The following MAP3K6 variants were observed in gnomAD, a reference collection of about 807,000 sequenced individuals.
MAP3K6 encodes the protein apoptosis signal-regulating kinase 2.
A neutral mutation model predicts 147.1 loss-of-function variants in MAP3K6; 105 were observed. The ratio of observed to expected loss-of-function variants is 0.71; its 90% confidence interval spans 0.61 to 0.84. The LOEUF (loss-of-function observed/expected upper bound fraction) is 0.84. Among genes scored for constraint, MAP3K6 ranks in the 40% least tolerant of loss-of-function variants. The pLI, the probability that MAP3K6 is intolerant of heterozygous loss-of-function variation, is 0.00. For missense variants in MAP3K6, 1,569 were observed against 1,715.0 expected (o/e 0.91, Z 1.50); for synonymous variants, 695 against 732.4 (o/e 0.95, Z 0.82).
In MAP3K6 at chr1:27,356,567, T is replaced by G. The variant is rs750371306; in HGVS notation, c.3524+23A>C. The G allele has an allele frequency of 1.8e-5, 29 of 1,611,904 alleles. No individual in the cohort carries two copies. The Admixed American group carries it at 4.7e-4, about 26-fold the overall frequency. On this transcript the variant is annotated intron_variant, in intron 25 of 28. Coordinates refer to ENST00000357582, the MANE Select transcript of MAP3K6 (RefSeq NM_004672.5). Reference sequence around the variant, plus strand: ...GTGGGTTGAAGCCCGGCAGAGGCTATGAGCGATTCCAAGGGGCTTTACCGA... The same window carrying G: ...GTGGGTTGAAGCCCGGCAGAGGCTAGGAGCGATTCCAAGGGGCTTTACCGA...
Position 27,356,435 on chromosome 1 carries a change from C to G in MAP3K6, c.3590G>C (p.Arg1197Pro). 3 of 1,613,708 alleles carry G rather than the reference C, an allele frequency of 1.9e-6. No individual in the cohort carries two copies. The highest frequency in any genetic ancestry group is 2.5e-6 in the Non-Finnish European group (3 of 1,179,940). ...YQALVQRALQ[R>P]LNEEARTYVL... is the part of the protein sequence containing the mutation. ...ATAGGTCCGGGCTTCCTCATTCAGC[C>G]GCTGTAGAGCCCGCTGCACCAGGGC... Residue 1197 changes from arginine (R) to proline (P), a missense_variant, in exon 26 of 29, where the codon CGG (arginine) becomes CCG (proline). Transcript: ENST00000357582.
rs138197184 is a variant in MAP3K6, at chr1:27,359,959, G to C, written c.2218C>G (p.Pro740Ala). 98 of 1,613,966 alleles carry C rather than the reference G, an allele frequency of 6.1e-5. No individual in the cohort carries two copies. The highest frequency in any genetic ancestry group is 1.6e-4 in the Middle Eastern group (1 of 6,084). ...LSSLLRSVWG[P>A]LKDNESTISF... is the part of the protein sequence containing the mutation. The stretch of plus-strand genomic sequence containing the variant: ...ATGGTGCTCTCGTTGTCCTTCAGGG[G>C]TCCCCACACCGACCGCAGCAAGGAG... Residue 740 changes from proline (P) to alanine (A), a missense_variant, in exon 17 of 29, where the codon CCC (proline) becomes GCC (alanine). Physicochemically the swap from Pro to Ala is conservative, Grantham distance 27. Transcript: ENST00000357582. This position sits in a 1 kb window ranked among gnomAD's most constrained non-coding sequence, Gnocchi z 4.4.
At chr1:27,362,303 G>T in intron 8 of MAP3K6, 53 bp from the exon 9 acceptor site, 1 of 1,540,114 alleles carries the variant, frequency 6.5e-7, no homozygotes, top group Non-Finnish European at 8.8e-7. Context: ...GGTGAGTGAG[G>T]CCCACCATTT....
rs762750659 is a variant in MAP3K6, at chr1:27,366,241, G to T, written c.340+17C>A. ...CTGAGTCCCGCCCGGATCCGGCCCCGCCCCCAGCGCTCTCACCCGCGTTGT... is the reference window on the plus strand; with the variant it reads ...CTGAGTCCCGCCCGGATCCGGCCCCTCCCCCAGCGCTCTCACCCGCGTTGT... On this transcript the variant is annotated intron_variant, in intron 1 of 28. Transcript: ENST00000357582. The surrounding 1 kb of genome is among the most constrained non-coding windows in gnomAD (Gnocchi z 5.5). 1 of 1,303,430 alleles carries T rather than the reference G, an allele frequency of 7.7e-7. No individual in the cohort carries two copies. The highest frequency in any genetic ancestry group is 2.2e-5 in the South Asian group (1 of 46,160). 80.7% of individuals were successfully genotyped at this position (1,303,430 alleles called of 1,614,324 possible). A position where few individuals can be genotyped will look rare whatever the true frequency, so the allele number is the denominator to read the frequency against.
At position 27,361,538 on chromosome 1, in the gene MAP3K6, C is replaced by T. The variant is rs766578632; in HGVS notation, c.1668G>A (p.Leu556=). 2 of 1,614,204 alleles carry T rather than the reference C, an allele frequency of 1.2e-6. No individual in the cohort carries two copies. Among genetic ancestry groups the T allele is most frequent in the South Asian group, 2.2e-5 (2 of 91,092 alleles). Residue 556 remains leucine (L), a synonymous_variant, in exon 11 of 29, where the codon CTG becomes CTA. Transcript: ENST00000357582. ...TDPVSTVTLS[L]LEPETQDIPS... ...ACTTCACCTGGGTCTCAGGCTCCAG[C>T]AGGCTCAGGGTCACTGTGCTTACTG... is the stretch of plus-strand genomic sequence containing the variant.
At position 27,356,681 on chromosome 1, in the gene MAP3K6, G is replaced by A; in HGVS notation, c.3433C>T (p.Pro1145Ser). ...LSNEGDSQQS[P>S]GQQSPLPVEP... ...ACCGGAAGCGGGCTCTGCTGGCCTG[G>A]GCTCTGCTGGGAGTCCCCTTCATTA... Residue 1145 changes from proline to serine, a missense_variant, in exon 25 of 29, where the codon CCA (proline) becomes TCA (serine). By Grantham distance (74) the Pro-to-Ser change is moderately conservative. Transcript: ENST00000357582. 2 of 1,609,692 alleles carry A rather than the reference G, an allele frequency of 1.2e-6. No homozygotes were observed. Among genetic ancestry groups the A allele is most frequent in the East Asian group, 4.5e-5 (2 of 44,830 alleles).
rs759869355 is a variant in MAP3K6 at position 27,362,870 on chromosome 1, G to A, written c.1123C>T (p.Arg375Trp). The A allele has an allele frequency of 8.7e-6, 14 of 1,613,892 alleles. No homozygotes were observed. The highest frequency in any genetic ancestry group is 1.6e-4 in the Middle Eastern group (1 of 6,084). The change falls in exon 7 of 29, where the codon CGG (arginine) becomes TGG (tryptophan). Residue 375 changes from arginine (R) to tryptophan (W), a missense_variant. Arg to Trp is a moderately radical substitution (Grantham distance 101). Coordinates refer to ENST00000357582, the MANE Select transcript of MAP3K6 (RefSeq NM_004672.5). ...FSSGFQDAGHREQAYHWYRKA... is the reference protein window; with the variant it reads ...FSSGFQDAGHWEQAYHWYRKA... ...CTTTACCAGTGATAGGCCTGCTCCC[G>A]GTGCCCAGCATCCTGGAAACCCGAG... is the stretch of plus-strand genomic sequence containing the variant.
In MAP3K6 at chr1:27,359,748, C is replaced by T. The variant is rs1450679026; in HGVS notation, c.2319+110G>A. Reference sequence around the variant, plus strand: ...GGAGCCTCCCTGATGAATTCCCTACCCTTTGCAACAGGTCTGCTCACTTAA... The same window carrying T: ...GGAGCCTCCCTGATGAATTCCCTACTCTTTGCAACAGGTCTGCTCACTTAA... On this transcript the variant is annotated intron_variant, in intron 17 of 28. Transcript: ENST00000357582. The surrounding 1 kb of genome is among the most constrained non-coding windows in gnomAD (Gnocchi z 4.4). 7.9e-6 allele frequency: 12 copies of T among 1,514,226 alleles called. No homozygotes were observed. The highest frequency in any genetic ancestry group is 2.8e-5 in the African/African-American group (2 of 72,606). 93.8% of individuals were successfully genotyped at this position (1,514,226 alleles called of 1,614,324 possible).
chr1:27,361,347 T>G lies in MAP3K6; in HGVS notation c.1735A>C (p.Ser579Arg). 1 of 1,613,930 alleles carries G rather than the reference T, an allele frequency of 6.2e-7. No homozygotes were observed. Among genetic ancestry groups the G allele is most frequent in the Non-Finnish European group, 8.5e-7 (1 of 1,179,964 alleles). ...TFPVASICGV[S>R]ASKRDERCCF... ...GTCACCCCAGGTCCCGCCTATCACCTGACTCCGCATATGGAGGCGACTGGG... is the reference window on the plus strand; with the variant it reads ...GTCACCCCAGGTCCCGCCTATCACCGGACTCCGCATATGGAGGCGACTGGG... Residue 579 changes from serine to arginine, a missense_variant and splice_region_variant, in exon 12 of 29, where the codon AGC (serine) becomes CGC (arginine). Transcript: ENST00000357582.
At position 27,360,205 on chromosome 1, in the gene MAP3K6, C is replaced by T. The variant is rs968098854; in HGVS notation, c.2182+36G>A. 6.2e-7 allele frequency: 1 copy of T among 1,611,098 alleles called. No homozygotes were observed. The highest frequency in any genetic ancestry group is 8.5e-7 in the Non-Finnish European group (1 of 1,178,024). ...GCCTGCCTCGGTCCCATGCTTCACA[C>T]CTCGGTTTCATTCCCATCCCACACA... is the stretch of plus-strand genomic sequence containing the variant. On this transcript the variant is annotated intron_variant, in intron 16 of 28. Transcript: ENST00000357582. The surrounding 1 kb of genome is among the most constrained non-coding windows in gnomAD (Gnocchi z 4.5).
intron 1 of MAP3K6, among the ~76,000 whole-genome samples, chr1:27,365,296 G>T (rs1382049474): frequency 1.3e-5 from 2 of 152,182 alleles, no homozygotes; most frequent in Non-Finnish European, 2.9e-5. Context: ...CCATCAGTGT[G>T]CATAGACAAC....
intron 25 of MAP3K6, 33 bp from the exon 26 acceptor site, chr1:27,356,533 G>A (rs906438485): frequency 1.2e-6 from 2 of 1,611,574 alleles, no homozygotes; most frequent in South Asian, 1.1e-5. Context: ...ATGGAGCGGT[G>A]AGTGGTGAGT....
At chr1:27,362,609 G>T (rs2015819189) in intron 8 of MAP3K6, 32 bp downstream of exon 8, 1 of 1,501,784 alleles carries the variant, frequency 6.7e-7, no homozygotes, top group African/African-American at 1.4e-5. Context: ...ACCCCTGTGG[G>T]TGACGAGACA....
rs1248597413 is a variant in MAP3K6 at position 27,366,266 on chromosome 1, T to G, written c.332A>C (p.Tyr111Ser). ...GCCCCCAGCGCTCTCACCCGCGTTG[T>G]AGAAGGCATCCAGAGCCGCGGTGTC... ...LGDTAALDAFYNADVVVLEVS... is the reference protein window; with the variant it reads ...LGDTAALDAFSNADVVVLEVS... Residue 111 changes from tyrosine (Y) to serine (S), a missense_variant, in exon 1 of 29, where the codon TAC becomes TCC. Transcript: ENST00000357582. This position sits in a 1 kb window ranked among gnomAD's most constrained non-coding sequence, Gnocchi z 5.5. 4 of 1,334,146 alleles carry G rather than the reference T, an allele frequency of 3.0e-6. No individual in the cohort carries two copies. The highest frequency in any genetic ancestry group is 3.8e-6 in the Non-Finnish European group (4 of 1,043,494). The allele number at this position is 1,334,146 out of a possible 1,614,324, so 82.6% of individuals were successfully genotyped here.
intron 26 of MAP3K6, 33 bp downstream of exon 26, chr1:27,356,352 CCCA>C (rs765178260): frequency 1.3e-5 from 20 of 1,552,978 alleles, no homozygotes; most frequent in Non-Finnish European, 1.7e-5. Flanking sequence ...CTGCCTTGAA[CCCA>C]CCAATAATGT....
At chr1:27,355,535 G>C in intron 28 of MAP3K6, 66 bp from the exon 29 acceptor site, 1 of 1,577,958 alleles carries the variant, frequency 6.3e-7, no homozygotes, top group Non-Finnish European at 8.7e-7. Context: ...TGCACACACT[G>C]TCTGCCCAGT....
intron 27 of MAP3K6, 80 bp from the exon 28 acceptor site, chr1:27,355,825 G>C: frequency 2.9e-6 from 4 of 1,372,060 alleles, no homozygotes; most frequent in Non-Finnish European, 4.1e-6. Context: ...TACTAGCTCT[G>C]CTCTGTTGCC....
In MAP3K6 at chr1:27,358,463, C is replaced by A; in HGVS notation, c.2732G>T (p.Arg911Met). Residue 911 changes from arginine to methionine, a missense_variant, in exon 20 of 29, where the codon AGG (arginine) becomes ATG (methionine). Coordinates refer to ENST00000357582, the MANE Select transcript of MAP3K6 (RefSeq NM_004672.5). The surrounding 1 kb of genome is among the most constrained non-coding windows in gnomAD (Gnocchi z 6.2). ...LGDPFLQPGK[R>M]SRSPSSPRHA... ...TCGTGGGGAGCTGGGGCTGCGGCTCCTTTTCCCAGGCTGCAGGAAGGGGTC... is the reference window on the plus strand; with the variant it reads ...TCGTGGGGAGCTGGGGCTGCGGCTCATTTTCCCAGGCTGCAGGAAGGGGTC... 5.0e-6 allele frequency: 8 copies of A among 1,594,096 alleles called. No individual in the cohort carries two copies. Among genetic ancestry groups the A allele is most frequent in the Non-Finnish European group, 6.8e-6 (8 of 1,174,442 alleles).
chr1:27,359,879 G>T lies in MAP3K6; in HGVS notation c.2298C>A (p.His766Gln). The T allele has an allele frequency of 6.2e-7, 1 of 1,614,168 alleles. No individual in the cohort carries two copies. The stretch of plus-strand genomic sequence containing the variant: ...TTACTTTTATGTCCCTGTGCACGAT[G>T]TGGTTGTCGTGCAAGTAGCCAAGTC... ...LQGLGYLHDN[H>Q]IVHRDIKGDN... Residue 766 changes from histidine to glutamine, a missense_variant, in exon 17 of 29, where the codon CAC (histidine) becomes CAA (glutamine). By Grantham distance (24) the His-to-Gln change is conservative. Transcript: ENST00000357582. The surrounding 1 kb of genome is among the most constrained non-coding windows in gnomAD (Gnocchi z 4.4).
Sources: allele counts gnomAD v4.1 joint callset (sites outside exome capture counted in the v4.1 genomes callset), GRCh38; gene constraint gnomAD v4.1.1; non-coding constraint Gnocchi (gnomAD v3.1); transcripts MANE v1.5; gene names NCBI Gene and HGNC (gene_info 2026-07-23, HGNC 2026-07-21).